Variants in SPECC1 observed in about 807,000 individuals in gnomAD.
The protein encoded by SPECC1 is sperm antigen with calponin homology and coiled-coil domains 1.
SPECC1 carries 62 observed loss-of-function variants against 104.1 expected under a neutral mutation model. The ratio of observed to expected loss-of-function variants is 0.60; its 90% CI spans 0.49 to 0.74. The LOEUF is 0.74. SPECC1 is among the 30% of genes least tolerant of loss of function. SPECC1 has a pLI of 0.00. For missense variants in SPECC1, 1,306 were observed against 1,310.5 expected (o/e 1.00, Z 0.05); for synonymous variants, 513 against 501.6 (o/e 1.02, Z -0.30).
chr17:20,182,449 G>T (rs1053228294), intron 3 of SPECC1, among the ~76,000 whole-genome samples: 3 of 152,018 alleles, frequency 2.0e-5, no homozygotes, highest in Middle Eastern at 3.4e-3. Flanking sequence ...TTTTATAGAG[G>T]CCACCGGACA....
At chr17:20,077,650 A>G (rs1445789042) in intron 1 of SPECC1, among the ~76,000 whole-genome samples, 1 of 152,016 alleles carries the variant, frequency 6.6e-6, no homozygotes, top group Non-Finnish European at 1.5e-5. Context: ...TATTTTTAGT[A>G]GAGGTGGGGT....
chr17:20,075,277 C>G (rs946462019), intron 1 of SPECC1, among the ~76,000 whole-genome samples: 1 of 152,124 alleles, frequency 6.6e-6, no homozygotes, highest in Non-Finnish European at 1.5e-5. Flanking sequence ...TCATTTGATT[C>G]TCCCAGCAGC....
At chr17:20,287,757 T>TG (rs920354642) in intron 12 of SPECC1, among the ~76,000 whole-genome samples, 16 of 151,686 alleles carry the variant, frequency 1.1e-4, no homozygotes, top group Admixed American at 7.2e-4. Flanking sequence ...GCTTTTTTTT[T>TG]TTGTTTTATT....
At chr17:20,133,016 G>A (rs2049736341) in intron 3 of SPECC1, among the ~76,000 whole-genome samples, 1 of 152,174 alleles carries the variant, frequency 6.6e-6, no homozygotes, top group Admixed American at 6.5e-5. Context: ...TGGGATTACA[G>A]GTGTGAGCCA....
At chr17:20,049,086 G>C (rs2045646707) in intron 1 of SPECC1, among the ~76,000 whole-genome samples, 1 of 152,076 alleles carries the variant, frequency 6.6e-6, no homozygotes, top group Non-Finnish European at 1.5e-5. Context: ...TCCTAGAGTG[G>C]AATTGCTTTG....
intron 3 of SPECC1, among the ~76,000 whole-genome samples, chr17:20,165,207 C>G (rs906190251): frequency 7.2e-6 from 1 of 138,914 alleles, no homozygotes; most frequent in African/African-American, 3.1e-5. Context: ...CTACTACCCC[C>G]GCCCTGACAG....
intron 3 of SPECC1, among the ~76,000 whole-genome samples, chr17:20,178,187 C>G (rs919297050): frequency 2.0e-5 from 3 of 152,166 alleles, no homozygotes; most frequent in African/African-American, 7.2e-5. Flanking sequence ...CTCCCGACTC[C>G]TCTCTATTTT....
At position 20,044,972 on chromosome 17, in the gene SPECC1, TCA is replaced by T. The variant is rs144007170; in HGVS notation, c.-22+35550_-22+35551del. On this transcript the variant is annotated intron_variant, in intron 1 of 14. Coordinates refer to ENST00000395527, the MANE Select transcript of SPECC1 (RefSeq NM_001243439.2). ...GATGAATAAGAACTCTTTTATTCCATCACCATTTGTTTAAACATGAAGTTTAA... is the reference window on the plus strand; with the variant it reads ...GATGAATAAGAACTCTTTTATTCCATCCATTTGTTTAAACATGAAGTTTAA... Among the ~76,000 whole-genome samples, 1,305 of 152,372 alleles carry T rather than the reference TCA, an allele frequency of 8.6e-3. 10 individuals carry two copies. The highest frequency in any genetic ancestry group is 0.029 in the African/African-American group (1,208 of 41,584).
intron 3 of SPECC1, among the ~76,000 whole-genome samples, chr17:20,169,641 A>G (rs1205510603): frequency 6.6e-6 from 1 of 152,016 alleles, no homozygotes; most frequent in Non-Finnish European, 1.5e-5. Context: ...AGTTCCTGAT[A>G]ATTTTAACAT....
At chr17:20,131,326 G>T (rs1213823189) in intron 3 of SPECC1, among the ~76,000 whole-genome samples, 2 of 151,982 alleles carry the variant, frequency 1.3e-5, no homozygotes, top group African/African-American at 4.8e-5. Flanking sequence ...TGAGTAGGTG[G>T]GATTACAGGC....
chr17:20,073,233 A>G (rs994964360), intron 1 of SPECC1, among the ~76,000 whole-genome samples: 1 of 152,130 alleles, frequency 6.6e-6, no homozygotes, highest in African/African-American at 2.4e-5. Context: ...CAGTGTTCAC[A>G]GGGTCATGGC....
At chr17:20,039,008 A>T (rs973892389) in intron 1 of SPECC1, among the ~76,000 whole-genome samples, 1 of 152,140 alleles carries the variant, frequency 6.6e-6, no homozygotes, top group East Asian at 1.9e-4. Context: ...CCTTTTTTAT[A>T]TTTGTAGAGT....
At position 20,065,420 on chromosome 17, in the gene SPECC1, G is replaced by A. The variant is rs149831381; in HGVS notation, c.-21-31211G>A. 7.2e-5 allele frequency among the ~76,000 whole-genome samples: 11 copies of A among 152,318 alleles called. No individual in the cohort carries two copies. In the East Asian group the frequency reaches 2.1e-3, roughly 29 times the overall value. On this transcript the variant is annotated intron_variant, in intron 1 of 14. Coordinates refer to ENST00000395527, the MANE Select transcript of SPECC1 (RefSeq NM_001243439.2). ...CTCTGGGTTCAACTAATTTGCTGGA[G>A]CAGCTCACAAAACTCAGGGCAACAC... is the stretch of plus-strand genomic sequence containing the variant.
At chr17:20,162,180 C>T (rs1467958001) in intron 3 of SPECC1, among the ~76,000 whole-genome samples, 1 of 151,978 alleles carries the variant, frequency 6.6e-6, no homozygotes, top group Non-Finnish European at 1.5e-5. Context: ...GAGTCTCGCT[C>T]TGTCGTCCAG....
At chr17:20,045,583 C>T (rs939708893) in intron 1 of SPECC1, among the ~76,000 whole-genome samples, 1 of 152,158 alleles carries the variant, frequency 6.6e-6, no homozygotes, top group Non-Finnish European at 1.5e-5. Context: ...TTCTCTCTCA[C>T]ATATGGTGGC....
intron 3 of SPECC1, among the ~76,000 whole-genome samples, chr17:20,201,354 C>T (rs773202881): frequency 6.6e-6 from 1 of 151,744 alleles, no homozygotes; most frequent in Non-Finnish European, 1.5e-5. Flanking sequence ...TGGTGGCTCG[C>T]GCCTGTAGTT....
intron 1 of SPECC1, among the ~76,000 whole-genome samples, chr17:20,068,213 A>C (rs762326080): frequency 6.6e-6 from 1 of 152,142 alleles, no homozygotes. Flanking sequence ...TGCCTGCTTC[A>C]GCCTCCCAAA....
intron 3 of SPECC1, among the ~76,000 whole-genome samples, chr17:20,157,954 T>C (rs2032754846): frequency 1.3e-5 from 2 of 152,188 alleles, no homozygotes; most frequent in African/African-American, 4.8e-5. Flanking sequence ...AAATGCCACC[T>C]TGCCTGGCTA....
At chr17:20,106,828 G>A (rs2048221252) in intron 2 of SPECC1, among the ~76,000 whole-genome samples, 3 of 152,152 alleles carry the variant, frequency 2.0e-5, no homozygotes, top group African/African-American at 7.2e-5. Flanking sequence ...ATACAGTCCA[G>A]TTGCTAAATT....
Sources: allele counts gnomAD v4.1 joint callset (sites outside exome capture counted in the v4.1 genomes callset), GRCh38; gene constraint gnomAD v4.1.1; transcripts MANE v1.5; gene names NCBI Gene and HGNC (gene_info 2026-07-23, HGNC 2026-07-21).